Variants in TCF4 observed in about 807,000 individuals in gnomAD.
TCF4 encodes transcription factor 4, also known as SL3-3 enhancer factor 2.
In TCF4, 3 loss-of-function variants were observed where a neutral mutation model predicts 82.1. The ratio of observed to expected loss-of-function variants is 0.04; its 90% CI spans 0.02 to 0.09. The LOEUF (loss-of-function observed/expected upper bound fraction) is 0.09, where lower values mean the gene tolerates loss of function less well. Among genes scored for constraint, TCF4 ranks in the 10% least tolerant of loss-of-function variants. The pLI is 1.00. For synonymous variants in TCF4, 276 were observed against 309.6 expected, an observed-to-expected ratio of 0.89 and a Z score of 1.14; for missense variants, 518 against 852.7, an observed-to-expected ratio of 0.61 and a Z score of 4.89.
At chr18:55,393,976 G>A (rs557116875) in intron 6 of TCF4, among the ~76,000 whole-genome samples, 4 of 152,124 alleles carry the variant, frequency 2.6e-5, no homozygotes, top group Non-Finnish European at 4.4e-5. Flanking sequence ...GATGTGTCTC[G>A]ATTATTAGAG....
chr18:55,559,094 G>C, intron 3 of TCF4, among the ~76,000 whole-genome samples: 1 of 146,472 alleles, frequency 6.8e-6, no homozygotes, highest in Non-Finnish European at 1.5e-5. Flanking sequence ...ACACCCACTA[G>C]GCATTCAACC....
intron 3 of TCF4, among the ~76,000 whole-genome samples, chr18:55,513,133 C>CACCTGG (rs1401658222): frequency 6.6e-6 from 1 of 152,138 alleles, no homozygotes; most frequent in Admixed American, 6.5e-5. Flanking sequence ...TGCAAATCTT[C>CACCTGG]ACCTGGCATG....
intron 6 of TCF4, among the ~76,000 whole-genome samples, chr18:55,365,213 A>G (rs1181008962): frequency 2.1e-4 from 28 of 132,340 alleles, no homozygotes; most frequent in African/African-American, 8.1e-4. Flanking sequence ...GTGTGTGTAT[A>G]TATATGTGTG....
chr18:55,575,145 T>G (rs183268810), intron 3 of TCF4, among the ~76,000 whole-genome samples: 391 of 152,202 alleles, frequency 2.6e-3, no homozygotes, highest in African/African-American at 9.1e-3. Flanking sequence ...AAAAGAATAA[T>G]AAGATGTTAA....
At chr18:55,384,395 G>T (rs541644950) in intron 6 of TCF4, among the ~76,000 whole-genome samples, 1 of 152,212 alleles carries the variant, frequency 6.6e-6, no homozygotes, top group Non-Finnish European at 1.5e-5. Flanking sequence ...CACATGAGGT[G>T]ACAGCATGTG....
At chr18:55,251,712 C>G (rs962457300) in intron 15 of TCF4, among the ~76,000 whole-genome samples, 1 of 152,144 alleles carries the variant, frequency 6.6e-6, no homozygotes, top group Non-Finnish European at 1.5e-5. Flanking sequence ...TACTGCAACT[C>G]GCTTCCGCCC....
intron 6 of TCF4, chr18:55,401,683 A>G: frequency 1.0e-6 from 1 of 986,650 alleles, no homozygotes; most frequent in Non-Finnish European, 1.2e-6. Flanking sequence ...ACACAGACAG[A>G]CTCACACGGT....
chr18:55,232,089 C>T, intron 17 of TCF4: 1 of 181,316 alleles, frequency 5.5e-6, no homozygotes, highest in Non-Finnish European at 1.2e-5. Flanking sequence ...TAGGATAAAT[C>T]TAGGAAATTA....
Position 55,222,890 on chromosome 18 carries a change from A to G in TCF4, c.*5145T>C, listed in dbSNP as rs2144213149. The stretch of plus-strand genomic sequence containing the variant: ...AAAACATCTGGTTGTTTACATCTGG[A>G]TTAATAGTCAACAGAGGCAACCAGA... On this transcript the variant is annotated 3_prime_UTR_variant, in exon 20 of 20. Transcript: ENST00000354452. The G allele has an allele frequency of 6.5e-6, 1 of 152,752 alleles. No homozygotes were observed. The highest frequency in any genetic ancestry group is 1.9e-4 in the East Asian group (1 of 5,184). 9.5% of individuals were successfully genotyped at this position (152,752 alleles called of 1,614,324 possible). A position where few individuals can be genotyped will look rare whatever the true frequency, so the allele number is the denominator to read the frequency against.
At chr18:55,328,840 T>C (rs2077027973) in intron 8 of TCF4, among the ~76,000 whole-genome samples, 1 of 152,164 alleles carries the variant, frequency 6.6e-6, no homozygotes, top group Admixed American at 6.5e-5. Context: ...AGAGGGGAAA[T>C]GTGATTATTA....
At chr18:55,589,439 T>A (rs193115276), upstream of TCF4, 5,913 of 1,056,238 alleles carry the variant, frequency 5.6e-3, 12 homozygotes, top group Non-Finnish European at 6.4e-3. Context: ...GCTCCAGGGA[T>A]ATCCACAGAT....
intron 3 of TCF4, among the ~76,000 whole-genome samples, chr18:55,525,643 CT>C (rs1343920311): frequency 6.6e-6 from 1 of 152,136 alleles, no homozygotes; most frequent in Non-Finnish European, 1.5e-5. Flanking sequence ...ACTGTGCTAC[CT>C]TCCTATTAAA....
At chr18:55,463,969 TGTGTGTGTGAGAGAGA>T in intron 4 of TCF4, 91 bp downstream of exon 4, 2 of 767,688 alleles carry the variant, frequency 2.6e-6, no homozygotes, top group Non-Finnish European at 2.2e-6. Context: ...TGTGTGTGTG[TGTGTGTGTGAGAGAGA>T]GAGAGAGAGA....
At chr18:55,351,103 A>C (rs770451221) in intron 6 of TCF4, 100 bp from the exon 7 acceptor site, 24 of 1,440,322 alleles carry the variant, frequency 1.7e-5, no homozygotes, top group Non-Finnish European at 2.3e-5. Context: ...AATAAAGCAA[A>C]CAGCATCTGC....
At chr18:55,393,673 T>C (rs749958715) in intron 6 of TCF4, among the ~76,000 whole-genome samples, 1 of 152,226 alleles carries the variant, frequency 6.6e-6, no homozygotes, top group Non-Finnish European at 1.5e-5. Flanking sequence ...TCATGCAATT[T>C]GCATAATTTT....
chr18:55,549,562 A>G (rs978022700), intron 3 of TCF4, among the ~76,000 whole-genome samples: 1 of 152,258 alleles, frequency 6.6e-6, no homozygotes, highest in Admixed American at 6.5e-5. Context: ...CTAGGCCTAC[A>G]TAGGGTCTGG....
intron 2 of TCF4, among the ~76,000 whole-genome samples, chr18:55,625,459 G>A (rs1283611698): frequency 3.3e-5 from 5 of 152,030 alleles, no homozygotes; most frequent in Non-Finnish European, 5.9e-5. Flanking sequence ...GGATGGTCTC[G>A]ATTTCCTGAC....
chr18:55,416,369 G>A (rs1276181087), intron 5 of TCF4, among the ~76,000 whole-genome samples: 3 of 152,192 alleles, frequency 2.0e-5, no homozygotes, highest in Admixed American at 1.3e-4. Context: ...AGGTTAGAAT[G>A]AATGGAAGGT....
intron 3 of TCF4, among the ~76,000 whole-genome samples, chr18:55,563,143 G>A (rs1174106790): frequency 6.6e-6 from 1 of 151,494 alleles, no homozygotes; most frequent in African/African-American, 2.4e-5. Context: ...GGAGGTTGAG[G>A]TGGGAGGATC....
Sources: gnomAD v4.1 joint callset for allele counts (sites outside exome capture counted in the v4.1 genomes callset) on GRCh38, gnomAD v4.1.1 for gene constraint, MANE v1.5 for transcripts, NCBI Gene and HGNC (gene_info 2026-07-23, HGNC 2026-07-21) for gene names.